UNC80: variants seen among roughly 807,000 people sequenced by gnomAD.
UNC80 encodes the protein protein unc-80 homolog.
In UNC80, 164 loss-of-function variants were observed where a neutral mutation model predicts 384.6. That is an observed-to-expected ratio of 0.43 (90% CI 0.38 to 0.49). UNC80 has a LOEUF of 0.49. Among genes scored for constraint, UNC80 ranks in the 20% least tolerant of loss-of-function variants. UNC80 has a pLI of 0.00. For synonymous variants in UNC80, 1,486 were observed against 1,527.8 expected, an observed-to-expected ratio of 0.97 and a Z score of 0.64; for missense variants, 3,330 against 4,143.0, an observed-to-expected ratio of 0.80 and a Z score of 5.39.
chr2:209,966,110 C>A (rs1368256604), intron 51 of UNC80, among the ~76,000 whole-genome samples: 2 of 152,174 alleles, frequency 1.3e-5, no homozygotes, highest in East Asian at 3.8e-4. Flanking sequence ...CTCTGTCCTA[C>A]ATTCCAGTTC....
intron 39 of UNC80, 36 bp downstream of exon 39, chr2:209,934,041 A>C: frequency 2.0e-6 from 3 of 1,489,098 alleles, no homozygotes; most frequent in East Asian, 2.5e-5. Context: ...CATAACTTTA[A>C]AAAAAAATTA....
chr2:209,866,523 CACACACACACAGAGAGAGAG>C (rs2083817585), intron 22 of UNC80, among the ~76,000 whole-genome samples: 7 of 137,064 alleles, frequency 5.1e-5, no homozygotes, highest in African/African-American at 2.2e-4. Flanking sequence ...CACACACACA[CACACACACACAGAGAGAGAG>C]AGAGAGAGAG....
chr2:209,904,645 G>T, intron 28 of UNC80, 120 bp from the exon 29 acceptor site: 1 of 845,214 alleles, frequency 1.2e-6, no homozygotes, highest in Non-Finnish European at 1.9e-6. Context: ...GGACCATTGC[G>T]ATTTCAAGAC....
intron 61 of UNC80, among the ~76,000 whole-genome samples, chr2:209,990,795 T>C (rs1374786595): frequency 6.6e-6 from 1 of 152,202 alleles, no homozygotes; most frequent in Non-Finnish European, 1.5e-5. Flanking sequence ...ATTTTTGAAG[T>C]TGACATTCAG....
At position 209,894,159 on chromosome 2, in the gene UNC80, A is replaced by T; in HGVS notation, c.4277-4A>T. On this transcript the variant is annotated splice_polypyrimidine_tract_variant and splice_region_variant and intron_variant, in intron 26 of 64. Transcript: ENST00000673920. ...AAAAGCCCTATTTTATTCTTTTAAT[A>T]CAGTTCCCAGCAGGAAGATCAGGAT... 1 of 985,382 alleles carries T rather than the reference A, an allele frequency of 1.0e-6. No homozygotes were observed. Among genetic ancestry groups the T allele is most frequent in the Non-Finnish European group, 1.2e-6 (1 of 829,906 alleles). 61.0% of individuals were successfully genotyped at this position (985,382 alleles called of 1,614,324 possible).
chr2:209,918,517 G>A lies in UNC80; in HGVS notation c.5212-15G>A. On this transcript the variant is annotated splice_polypyrimidine_tract_variant and intron_variant, in intron 32 of 64. Coordinates refer to ENST00000673920, the MANE Select transcript of UNC80 (RefSeq NM_001371986.1). ...ATATTCCCTCTCACCTAATTTTTCT[G>A]ATGTCAACTAACAGATTCCGCCTCC... is the stretch of plus-strand genomic sequence containing the variant. The A allele has an allele frequency of 1.3e-6, 2 of 1,549,982 alleles. No individual in the cohort carries two copies. Among genetic ancestry groups the A allele is most frequent in the Non-Finnish European group, 1.7e-6 (2 of 1,145,570 alleles).
Position 209,896,412 on chromosome 2 carries a change from A to C in UNC80, c.4580A>C (p.His1527Pro). The change falls in exon 28 of 65, where the codon CAT becomes CCT. Residue 1527 changes from histidine to proline, a missense_variant and splice_region_variant. This residue lies in a region of UNC80 where 801 missense variants were observed against 950.8 expected (regional missense o/e 0.84). Transcript: ENST00000673920. ...ENYHRNMSWL[H>P]VMILLCNQQS... Reference sequence around the variant, plus strand: ...TACCACAGAAACATGTCGTGGCTTCATGTAAGTAGGAATCTCAGAAACAGC... The same window carrying C: ...TACCACAGAAACATGTCGTGGCTTCCTGTAAGTAGGAATCTCAGAAACAGC... The C allele has an allele frequency of 6.4e-7, 1 of 1,551,242 alleles. No homozygotes were observed. Among genetic ancestry groups the C allele is most frequent in the Non-Finnish European group, 8.7e-7 (1 of 1,146,608 alleles).
At chr2:209,784,582 A>G (rs962154123) in intron 4 of UNC80, among the ~76,000 whole-genome samples, 2 of 152,208 alleles carry the variant, frequency 1.3e-5, no homozygotes, top group Admixed American at 6.5e-5. Context: ...GGAGATAGCT[A>G]CATGACAGCT....
intron 29 of UNC80, among the ~76,000 whole-genome samples, chr2:209,908,302 G>A (rs2088506069): frequency 6.6e-6 from 1 of 152,182 alleles, no homozygotes; most frequent in African/African-American, 2.4e-5. Context: ...ATTTGTGGCA[G>A]CTAGTACATT....
intron 21 of UNC80, among the ~76,000 whole-genome samples, chr2:209,847,482 C>T (rs2124834672): frequency 6.6e-6 from 1 of 151,998 alleles, no homozygotes; most frequent in African/African-American, 2.4e-5. Context: ...ACGTCCTGTG[C>T]TTATAGGATT....
chr2:209,852,634 A>G lies in UNC80; in HGVS notation c.3627+3011A>G, dbSNP rs780475357. Among the ~76,000 whole-genome samples, 27 of 152,234 alleles carry G rather than the reference A, an allele frequency of 1.8e-4. 1 individual carries two copies. Among genetic ancestry groups the G allele is most frequent in the South Asian group, 4.1e-4 (2 of 4,832 alleles). ...AGACTGAGAGGAAGGTAATGCAGCT[A>G]TATGTCGTACGTGCTTGAATCAAAG... On this transcript the variant is annotated intron_variant, in intron 22 of 64. Coordinates refer to ENST00000673920, the MANE Select transcript of UNC80 (RefSeq NM_001371986.1).
At chr2:209,879,797 G>T (rs2085118654) in intron 24 of UNC80, among the ~76,000 whole-genome samples, 1 of 152,108 alleles carries the variant, frequency 6.6e-6, no homozygotes, top group South Asian at 2.1e-4. Flanking sequence ...ACAGAAGCTT[G>T]TCTTTTCCAT....
Position 209,867,569 on chromosome 2 carries a change from G to T in UNC80, c.3628-5189G>T, listed in dbSNP as rs144988068. Among the ~76,000 whole-genome samples, 351 of 152,010 alleles carry T rather than the reference G, an allele frequency of 2.3e-3. 1 individual carries two copies. Among genetic ancestry groups the T allele is most frequent in the African/African-American group, 8.2e-3 (341 of 41,438 alleles). On this transcript the variant is annotated intron_variant, in intron 22 of 64. Coordinates refer to ENST00000673920, the MANE Select transcript of UNC80 (RefSeq NM_001371986.1). ...CTTGTCAGGCAAACCAACTTCTTTG[G>T]GGCAGATTTTTTCTTATTCATCCAC...
At chr2:209,981,343 C>T (rs538221227) in intron 59 of UNC80, among the ~76,000 whole-genome samples, 3 of 152,252 alleles carry the variant, frequency 2.0e-5, no homozygotes, top group South Asian at 4.1e-4. Flanking sequence ...TTTGGGAGGC[C>T]GAGGCGGGTG....
In UNC80 at chr2:209,810,931, A is replaced by G. The variant is rs144643116; in HGVS notation, c.939-2649A>G. ...TTTGTCTTTTGTTTATAAATCCAAG[A>G]TTACAGCATGGGGGTGGGGGGAAGG... On this transcript the variant is annotated intron_variant, in intron 7 of 64. Transcript: ENST00000673920. Among the ~76,000 whole-genome samples the G allele has an allele frequency of 5.3e-3, 807 of 151,842 alleles. 4 individuals are homozygous for G. Among genetic ancestry groups the G allele is most frequent in the African/African-American group, 0.019 (777 of 41,416 alleles).
Position 209,930,952 on chromosome 2 carries a change from T to G in UNC80, c.5908-16T>G, listed in dbSNP as rs1229620912. 6.6e-7 allele frequency: 1 copy of G among 1,522,592 alleles called. No individual in the cohort carries two copies. The highest frequency in any genetic ancestry group is 1.2e-5 in the South Asian group (1 of 80,178). 94.3% of individuals were successfully genotyped at this position (1,522,592 alleles called of 1,614,324 possible). On this transcript the variant is annotated splice_polypyrimidine_tract_variant and intron_variant, in intron 37 of 64. Coordinates refer to ENST00000673920, the MANE Select transcript of UNC80 (RefSeq NM_001371986.1). ...GGCAGCTGAAGGAAACATTAAAAAT[T>G]CTGTTCTTCTTTCAGGATGAGTTAA...
chr2:209,922,495 C>G (rs766896512), intron 35 of UNC80, 112 bp downstream of exon 35: 1 of 1,233,760 alleles, frequency 8.1e-7, no homozygotes, highest in South Asian at 2.3e-5. Flanking sequence ...TAACTTGTCT[C>G]ATGACTTGAC....
At chr2:209,945,717 G>T (rs2091885090) in intron 46 of UNC80, 130 bp from the exon 47 acceptor site, 1 of 590,810 alleles carries the variant, frequency 1.7e-6, no homozygotes, top group Non-Finnish European at 2.9e-6. Flanking sequence ...AGTTTTCACA[G>T]CGTAGGAATA....
At chr2:209,798,844 A>ATTTTTT (rs1167727452) in intron 7 of UNC80, among the ~76,000 whole-genome samples, 2 of 126,642 alleles carry the variant, frequency 1.6e-5, no homozygotes, top group African/African-American at 3.0e-5. Context: ...AGCCTGGCTA[A>ATTTTTT]TTTTTTTTTT....
Sources: gnomAD v4.1 joint callset for allele counts (sites outside exome capture counted in the v4.1 genomes callset) on GRCh38, gnomAD v4.1.1 for gene constraint, gnomAD v4.1.1 regional missense constraint, MANE v1.5 for transcripts, NCBI Gene and HGNC (gene_info 2026-07-23, HGNC 2026-07-21) for gene names.